The following CHL1 variants were observed in gnomAD, a reference collection of about 807,000 sequenced individuals.
CHL1 encodes neural cell adhesion molecule L1-like protein.
In CHL1, 96 loss-of-function variants were observed where a neutral mutation model predicts 141.9. That is an observed-to-expected ratio of 0.68 (90% CI 0.57 to 0.80). The LOEUF (loss-of-function observed/expected upper bound fraction) is 0.80, where lower values mean the gene tolerates loss of function less well. Among genes scored for constraint, CHL1 ranks in the 30% least tolerant of loss-of-function variants. CHL1 has a pLI of 0.00. For missense variants in CHL1, 1,820 were observed against 1,457.2 expected (o/e 1.25, Z -4.05); for synonymous variants, 613 against 502.2 (o/e 1.22, Z -2.95).
intron 1 of CHL1, among the ~76,000 whole-genome samples, chr3:202,464 G>T (rs566365228): frequency 6.6e-6 from 1 of 152,304 alleles, no homozygotes; most frequent in South Asian, 2.1e-4. Flanking sequence ...CGCAATAGTT[G>T]TTCTTAGGCT....
chr3:352,073 A>G (rs1172567516), intron 10 of CHL1, among the ~76,000 whole-genome samples: 1 of 152,174 alleles, frequency 6.6e-6, no homozygotes, highest in Non-Finnish European at 1.5e-5. Flanking sequence ...TAGTAAGTGA[A>G]ATAGGAAAGC....
At position 326,065 on chromosome 3, in the gene CHL1, G is replaced by T; in HGVS notation, c.197+1G>T. The T allele has an allele frequency of 6.3e-7, 1 of 1,589,464 alleles. No homozygotes were observed. Among genetic ancestry groups the T allele is most frequent in the South Asian group, 1.1e-5 (1 of 90,196 alleles). Reference sequence around the variant, plus strand: ...AAGCTAAAGGAAATCCAGAACCAACGTGAGTATTGTTTCAAACGAAGTGGT... The same window carrying T: ...AAGCTAAAGGAAATCCAGAACCAACTTGAGTATTGTTTCAAACGAAGTGGT... On this transcript the variant is annotated splice_donor_variant, in intron 4 of 27. Coordinates refer to ENST00000256509, the MANE Select transcript of CHL1 (RefSeq NM_006614.4). LOFTEE classifies it high-confidence loss of function.
chr3:363,795 G>GT (rs1383013870), intron 14 of CHL1: 1 of 156,914 alleles, frequency 6.4e-6, no homozygotes, highest in East Asian at 1.8e-4. Flanking sequence ...AATGAGGAGG[G>GT]TTTTTGATCC....
chr3:353,770 G>A (rs1369877087), intron 10 of CHL1, among the ~76,000 whole-genome samples: 1 of 152,050 alleles, frequency 6.6e-6, no homozygotes, highest in African/African-American at 2.4e-5. Flanking sequence ...ATATCTTTGG[G>A]GAAATAACCA....
intron 19 of CHL1, among the ~76,000 whole-genome samples, chr3:387,303 G>T (rs374177351): frequency 6.6e-6 from 1 of 152,104 alleles, no homozygotes; most frequent in African/African-American, 2.4e-5. Context: ...CTCCTTCCTC[G>T]TGGGCTCCTT....
intron 2 of CHL1, among the ~76,000 whole-genome samples, chr3:251,427 A>T (rs1693683681): frequency 6.6e-6 from 1 of 152,176 alleles, no homozygotes; most frequent in Non-Finnish European, 1.5e-5. Flanking sequence ...GCTAATCCGT[A>T]AAGTGGGCTC....
chr3:386,501 T>C lies in CHL1; in HGVS notation c.2247+2615T>C, dbSNP rs564502867. ...CTACTTGCAAAACAGGACAAAAGAG[T>C]CTACTGCAACCTTATCAGTTAAATA... On this transcript the variant is annotated intron_variant, in intron 19 of 27. Transcript: ENST00000256509. 1.2e-4 allele frequency among the ~76,000 whole-genome samples: 19 copies of C among 152,172 alleles called. No homozygotes were observed. The South Asian group carries it at 3.7e-3, about 30-fold the overall frequency.
intron 18 of CHL1, among the ~76,000 whole-genome samples, chr3:383,312 C>T (rs917714983): frequency 3.9e-5 from 6 of 152,108 alleles, no homozygotes; most frequent in East Asian, 3.8e-4. Flanking sequence ...TCTAATAAAA[C>T]GAATCCATCT....
At position 401,645 on chromosome 3, in the gene CHL1, G is replaced by C. The variant is rs779924533; in HGVS notation, c.3405G>C (p.Leu1135Phe). 4.4e-6 allele frequency: 7 copies of C among 1,594,406 alleles called. No homozygotes were observed. The highest frequency in any genetic ancestry group is 5.1e-6 in the Non-Finnish European group (6 of 1,170,070). Residue 1135 changes from leucine to phenylalanine, a missense_variant, in exon 27 of 28, where the codon TTG (leucine) becomes TTC (phenylalanine). Transcript: ENST00000256509. ...GKYSVKEKED[L>F]HPDPEIQSVK... ...TTTTAGTTAAAGAAAAGGAAGATTTGCATCCAGACCCAGAAATTCAGTCAG... is the reference window on the plus strand; with the variant it reads ...TTTTAGTTAAAGAAAAGGAAGATTTCCATCCAGACCCAGAAATTCAGTCAG...
chr3:290,208 A>T (rs1574972416), intron 2 of CHL1, among the ~76,000 whole-genome samples: 1 of 152,274 alleles, frequency 6.6e-6, no homozygotes. Context: ...AGACCATGAA[A>T]AAACCACTTG....
intron 1 of CHL1, among the ~76,000 whole-genome samples, chr3:224,091 G>C (rs1344439731): frequency 6.6e-6 from 1 of 152,152 alleles, no homozygotes; most frequent in Admixed American, 6.5e-5. Flanking sequence ...TTGTTTAACT[G>C]TACCTACATC....
At chr3:216,732 T>A (rs749211634) in intron 1 of CHL1, among the ~76,000 whole-genome samples, 1 of 152,230 alleles carries the variant, frequency 6.6e-6, no homozygotes, top group East Asian at 1.9e-4. Flanking sequence ...GAGAGGCTGC[T>A]AAATATGGCC....
At chr3:279,258 G>A (rs929141324) in intron 2 of CHL1, among the ~76,000 whole-genome samples, 3 of 151,994 alleles carry the variant, frequency 2.0e-5, no homozygotes, top group East Asian at 1.9e-4. Flanking sequence ...GAAAGTATCC[G>A]GTTTCTTGCA....
intron 2 of CHL1, chr3:248,019 G>T (rs949488585): frequency 1.3e-4 from 20 of 151,796 alleles, no homozygotes; most frequent in African/African-American, 4.8e-4. Context: ...AATATTTATG[G>T]GCTGTTATGT....
chr3:284,998 T>A (rs57059620), intron 2 of CHL1, among the ~76,000 whole-genome samples: 1 of 152,230 alleles, frequency 6.6e-6, no homozygotes, highest in African/African-American at 2.4e-5. Context: ...AATAGATGTC[T>A]AAAATGAACT....
In CHL1 at chr3:203,051, T is replaced by C. The variant is rs571977327; in HGVS notation, c.-175+5988T>C. On this transcript the variant is annotated intron_variant, in intron 1 of 27. Coordinates refer to ENST00000256509, the MANE Select transcript of CHL1 (RefSeq NM_006614.4). ...ACTTCCAATGAGGTAGGGAGAGTTATTGTTTTTGGACTAAAGTACTGTGTC... is the reference window on the plus strand; with the variant it reads ...ACTTCCAATGAGGTAGGGAGAGTTACTGTTTTTGGACTAAAGTACTGTGTC... Among the ~76,000 whole-genome samples, 261 of 152,358 alleles carry C rather than the reference T, an allele frequency of 1.7e-3. 1 individual carries two copies. The highest frequency in any genetic ancestry group is 6.1e-3 in the African/African-American group (252 of 41,574).
chr3:292,954 G>A (rs1196059141), intron 2 of CHL1, among the ~76,000 whole-genome samples: 1 of 152,224 alleles, frequency 6.6e-6, no homozygotes, highest in Non-Finnish European at 1.5e-5. Flanking sequence ...GGTTGAGACA[G>A]ATATCCAAGC....
intron 1 of CHL1, among the ~76,000 whole-genome samples, chr3:225,811 C>T (rs920532849): frequency 6.6e-6 from 1 of 152,040 alleles, no homozygotes; most frequent in African/African-American, 2.4e-5. Flanking sequence ...AGATTGAGGC[C>T]ATCCTGGCTA....
chr3:372,520 A>G (rs1453264817), intron 15 of CHL1, among the ~76,000 whole-genome samples: 1 of 152,012 alleles, frequency 6.6e-6, no homozygotes, highest in Non-Finnish European at 1.5e-5. Context: ...ACCTTTTATC[A>G]AGGTTCTTAG....
Sources: gnomAD v4.1 joint callset for allele counts (sites outside exome capture counted in the v4.1 genomes callset) on GRCh38, gnomAD v4.1.1 for gene constraint, MANE v1.5 for transcripts, NCBI Gene and HGNC (gene_info 2026-07-23, HGNC 2026-07-21) for gene names.